ADGRL3: variants seen among roughly 807,000 people sequenced by gnomAD.
ADGRL3 encodes adhesion G protein-coupled receptor L3.
A neutral mutation model predicts 153.5 loss-of-function variants in ADGRL3; 62 were observed. The observed-to-expected ratio is 0.40, with a 90% CI of 0.33 to 0.50. The LOEUF (loss-of-function observed/expected upper bound fraction) is 0.50. Among genes scored for constraint, ADGRL3 ranks in the 20% least tolerant of loss-of-function variants. The probability of loss-of-function intolerance (pLI) is 0.47; values close to 1 mark genes in which losing one functional copy is unlikely to be tolerated. For missense variants in ADGRL3, 1,641 were observed against 1,859.4 expected (o/e 0.88, Z 2.16); for synonymous variants, 710 against 672.5 (o/e 1.06, Z -0.86).
intron 2 of ADGRL3, among the ~76,000 whole-genome samples, chr4:61,446,014 G>A (rs146822805): frequency 1.9e-3 from 286 of 152,230 alleles, no homozygotes; most frequent in African/African-American, 6.5e-3. Flanking sequence ...GGAGCAATAG[G>A]CTGTATATAG....
At chr4:61,680,450 T>G (rs2095312396) in intron 6 of ADGRL3, among the ~76,000 whole-genome samples, 1 of 137,994 alleles carries the variant, frequency 7.2e-6, no homozygotes, top group South Asian at 2.3e-4. Flanking sequence ...GTGTGTGTGT[T>G]TCCATGGCAA....
intron 2 of ADGRL3, among the ~76,000 whole-genome samples, chr4:61,405,234 C>T (rs147386057): frequency 5.3e-5 from 8 of 151,988 alleles, no homozygotes; most frequent in African/African-American, 1.7e-4. Context: ...ACTGAATAAG[C>T]GATTCCAGTA....
intron 4 of ADGRL3, among the ~76,000 whole-genome samples, chr4:61,537,585 A>T (rs2098664698): frequency 1.3e-5 from 2 of 151,912 alleles, no homozygotes; most frequent in South Asian, 4.1e-4. Flanking sequence ...CTTTATTTTT[A>T]TTTTTTGTCT....
In ADGRL3 at chr4:62,070,223, A is replaced by G. The variant is rs1329164408; in HGVS notation, c.3947A>G (p.Gln1316Arg). 3 of 1,613,970 alleles carry G rather than the reference A, an allele frequency of 1.9e-6. No homozygotes were observed. Among genetic ancestry groups the G allele is most frequent in the Non-Finnish European group, 2.5e-6 (3 of 1,179,980 alleles). ...ASGEYLSNCV[Q>R]IIDRGYNHNE... Reference sequence around the variant, plus strand: ...GGCGAATACCTGAGCAACTGTGTGCAAATCATAGACCGTGGCTATAACCAT... The same window carrying G: ...GGCGAATACCTGAGCAACTGTGTGCGAATCATAGACCGTGGCTATAACCAT... The change falls in exon 27 of 27, where the codon CAA (glutamine) becomes CGA (arginine). Residue 1316 changes from glutamine (Q) to arginine (R), a missense_variant. This residue lies in a region of ADGRL3 where 517 missense variants were observed against 555.0 expected (regional missense o/e 0.93). Coordinates refer to ENST00000683033, the MANE Select transcript of ADGRL3 (RefSeq NM_001387552.1).
chr4:61,581,324 T>C lies in ADGRL3; in HGVS notation c.260-5903T>C, dbSNP rs558829340. Among the ~76,000 whole-genome samples the C allele has an allele frequency of 3.3e-5, 5 of 152,148 alleles. No individual in the cohort carries two copies. The South Asian group carries it at 1.0e-3, about 32-fold the overall frequency. On this transcript the variant is annotated intron_variant, in intron 4 of 26. Coordinates refer to ENST00000683033, the MANE Select transcript of ADGRL3 (RefSeq NM_001387552.1). ...TCTGGGTGCACGTGCACGGTAGCTGTACATGCTTGTTCATACATTACATGT... is the reference window on the plus strand; with the variant it reads ...TCTGGGTGCACGTGCACGGTAGCTGCACATGCTTGTTCATACATTACATGT...
At chr4:61,326,760 A>T (rs1258657885) in intron 1 of ADGRL3, among the ~76,000 whole-genome samples, 2 of 151,778 alleles carry the variant, frequency 1.3e-5, no homozygotes, top group Non-Finnish European at 2.9e-5. Context: ...TTTGGGGTAA[A>T]TTTTCAACAC....
chr4:61,960,476 A>G (rs2098983574), intron 17 of ADGRL3, among the ~76,000 whole-genome samples: 2 of 152,198 alleles, frequency 1.3e-5, no homozygotes, highest in African/African-American at 4.8e-5. Flanking sequence ...TTCGTAGGAC[A>G]TAGGAAGGAC....
At chr4:61,499,156 T>C (rs1165679120) in intron 3 of ADGRL3, among the ~76,000 whole-genome samples, 2 of 152,180 alleles carry the variant, frequency 1.3e-5, no homozygotes, top group Non-Finnish European at 1.5e-5. Flanking sequence ...ATGCATTGCA[T>C]TTTGCTGTCA....
intron 17 of ADGRL3, among the ~76,000 whole-genome samples, chr4:61,972,908 G>A (rs949299973): frequency 2.0e-5 from 3 of 151,922 alleles, no homozygotes; most frequent in Non-Finnish European, 4.4e-5. Flanking sequence ...AAGTAAAACA[G>A]GTTCTTGATA....
At chr4:61,706,707 G>A (rs535510431) in intron 6 of ADGRL3, among the ~76,000 whole-genome samples, 1 of 152,212 alleles carries the variant, frequency 6.6e-6, no homozygotes, top group South Asian at 2.1e-4. Flanking sequence ...CTCTGGTTTA[G>A]ACTTTGGTTT....
chr4:61,377,588 T>C (rs545970900), intron 1 of ADGRL3, among the ~76,000 whole-genome samples: 1 of 152,106 alleles, frequency 6.6e-6, no homozygotes, highest in East Asian at 1.9e-4. Flanking sequence ...ATAGAAAAGG[T>C]GAGGGATTTT....
intron 6 of ADGRL3, among the ~76,000 whole-genome samples, chr4:61,707,137 T>C (rs78969945): frequency 0.012 from 1,756 of 152,164 alleles, 22 homozygotes; most frequent in Non-Finnish European, 0.016. Flanking sequence ...AACACAAGCG[T>C]TTATTAAGTT....
chr4:61,846,698 C>G (rs1253494533), intron 9 of ADGRL3, among the ~76,000 whole-genome samples: 1 of 152,074 alleles, frequency 6.6e-6, no homozygotes, highest in East Asian at 1.9e-4. Context: ...AATTGGCTCA[C>G]AATTCTGCAG....
chr4:61,245,149 TCTG>T (rs1756540261), intron 1 of ADGRL3, among the ~76,000 whole-genome samples: 1 of 152,034 alleles, frequency 6.6e-6, no homozygotes, highest in African/African-American at 2.4e-5. Flanking sequence ...TGTCTTTACT[TCTG>T]CTTCCATTGC....
intron 5 of ADGRL3, among the ~76,000 whole-genome samples, chr4:61,635,336 C>T (rs1006287047): frequency 1.3e-5 from 2 of 152,022 alleles, no homozygotes; most frequent in African/African-American, 2.4e-5. Context: ...ATCTTCCATT[C>T]GGGGAGGGAG....
intron 1 of ADGRL3, among the ~76,000 whole-genome samples, chr4:61,270,686 G>T (rs2093121445): frequency 6.6e-6 from 1 of 151,694 alleles, no homozygotes; most frequent in African/African-American, 2.4e-5. Context: ...CTAAACATAA[G>T]AATGACCAAG....
At chr4:61,793,307 C>T (rs1241697802) in intron 8 of ADGRL3, among the ~76,000 whole-genome samples, 3 of 152,026 alleles carry the variant, frequency 2.0e-5, no homozygotes, top group Admixed American at 1.3e-4. Flanking sequence ...GCCTGTAGTC[C>T]CAGCTATTCA....
chr4:61,754,396 G>C (rs913634265), intron 8 of ADGRL3, among the ~76,000 whole-genome samples: 4 of 151,734 alleles, frequency 2.6e-5, no homozygotes, highest in African/African-American at 7.3e-5. Context: ...TTGTTGTAAG[G>C]TATAGACAGC....
intron 17 of ADGRL3, among the ~76,000 whole-genome samples, chr4:61,952,488 A>G (rs1219871820): frequency 1.3e-5 from 2 of 152,076 alleles, no homozygotes; most frequent in Admixed American, 6.6e-5. Flanking sequence ...CAAAAAAAAA[A>G]AAAAAACAAT....
Sources: allele counts gnomAD v4.1 joint callset (sites outside exome capture counted in the v4.1 genomes callset), GRCh38; gene constraint gnomAD v4.1.1; regional missense constraint gnomAD v4.1.1; transcripts MANE v1.5; gene names NCBI Gene and HGNC (gene_info 2026-07-23, HGNC 2026-07-21).